The following RBFOX3 variants were observed in gnomAD, a reference collection of about 807,000 sequenced individuals.
RBFOX3 encodes the protein RNA binding protein fox-1 homolog 3.
In RBFOX3, 17 loss-of-function variants were observed where a neutral mutation model predicts 48.7. The observed-to-expected ratio is 0.35, with a 90% confidence interval of 0.24 to 0.52. The LOEUF is 0.52. Ranked by LOEUF, RBFOX3 falls within the 20% of genes least tolerant of loss-of-function variation. RBFOX3 has a pLI of 0.94. For synonymous variants in RBFOX3, 212 were observed against 209.5 expected (o/e 1.01, Z -0.10); for missense variants, 382 against 497.5 (o/e 0.77, Z 2.21).
chr17:79,390,778 G>A lies in RBFOX3; in HGVS notation c.-174-82954C>T, dbSNP rs922969804. Among the ~76,000 whole-genome samples, 4 of 152,230 alleles carry A rather than the reference G, an allele frequency of 2.6e-5. No homozygotes were observed. Among genetic ancestry groups the A allele is most frequent in the Non-Finnish European group, 5.9e-5 (4 of 68,036 alleles). On this transcript the variant is annotated intron_variant, in intron 2 of 14. Coordinates refer to ENST00000693108, the MANE Select transcript of RBFOX3 (RefSeq NM_001350451.2). The surrounding 1 kb of genome is among the most constrained non-coding windows in gnomAD (Gnocchi z 4.2). Reference sequence around the variant, plus strand: ...AAAGTTTGCCAGAGGCGAGTTCAGGGTGGGGATCCTGGCAGTGGGAAACTG... The same window carrying A: ...AAAGTTTGCCAGAGGCGAGTTCAGGATGGGGATCCTGGCAGTGGGAAACTG...
At chr17:79,454,356 C>T (rs887439111) in intron 2 of RBFOX3, among the ~76,000 whole-genome samples, 8 of 152,172 alleles carry the variant, frequency 5.3e-5, no homozygotes, top group African/African-American at 7.2e-5. Flanking sequence ...CCAGGTGGCT[C>T]TGTCTGCTGT....
At position 79,293,132 on chromosome 17, in the gene RBFOX3, C is replaced by G. The variant is rs1051644330; in HGVS notation, c.-74+14592G>C. On this transcript the variant is annotated intron_variant, in intron 3 of 14. Transcript: ENST00000693108. ...TCAAAGCCACTTAAAAGTATGGCCTCATTTGACCCTTCCATCAGACCTAGA... is the reference window on the plus strand; with the variant it reads ...TCAAAGCCACTTAAAAGTATGGCCTGATTTGACCCTTCCATCAGACCTAGA... 3.9e-5 allele frequency among the ~76,000 whole-genome samples: 6 copies of G among 152,332 alleles called. No homozygotes were observed. In the East Asian group the frequency reaches 9.6e-4, roughly 24 times the overall value.
At chr17:79,317,766 A>AG in intron 2 of RBFOX3, among the ~76,000 whole-genome samples, 1 of 152,276 alleles carries the variant, frequency 6.6e-6, no homozygotes, top group East Asian at 1.9e-4. Flanking sequence ...TAAAAAAAAA[A>AG]AAGTTGCAAT....
rs141063954 is a variant in RBFOX3 at position 79,440,400 on chromosome 17, C to T, written c.-175+42054G>A. ...TCCTCCCCATCTGATGCACCAGGGGCCCGAGTGACTTGCCTGATCTCCTAG... is the reference window on the plus strand; with the variant it reads ...TCCTCCCCATCTGATGCACCAGGGGTCCGAGTGACTTGCCTGATCTCCTAG... On this transcript the variant is annotated intron_variant, in intron 2 of 14. Transcript: ENST00000693108. 3.9e-5 allele frequency among the ~76,000 whole-genome samples: 6 copies of T among 152,272 alleles called. No individual in the cohort carries two copies. In the East Asian group the frequency reaches 1.2e-3, roughly 30 times the overall value.
intron 4 of RBFOX3, among the ~76,000 whole-genome samples, chr17:79,177,104 G>A (rs1360761825): frequency 6.6e-6 from 1 of 152,152 alleles, no homozygotes; most frequent in Admixed American, 6.5e-5. Flanking sequence ...GGGACTGTCT[G>A]TCCTGGCCCA....
Position 79,545,712 on chromosome 17 carries a change from T to C in RBFOX3, c.-319-63114A>G, listed in dbSNP as rs145967697. On this transcript the variant is annotated intron_variant, in intron 1 of 14. Coordinates refer to ENST00000693108, the MANE Select transcript of RBFOX3 (RefSeq NM_001350451.2). ...CTGTTATCCAATTCCGCCTCCCAGC[T>C]GAGACTGCAGTTCCCCTTAACAGTG... is the stretch of plus-strand genomic sequence containing the variant. Among the ~76,000 whole-genome samples, 234 of 152,362 alleles carry C rather than the reference T, an allele frequency of 1.5e-3. 1 individual carries two copies. The highest frequency in any genetic ancestry group is 5.3e-3 in the African/African-American group (220 of 41,594).
At chr17:79,445,652 G>A (rs2072100901) in intron 2 of RBFOX3, among the ~76,000 whole-genome samples, 1 of 152,208 alleles carries the variant, frequency 6.6e-6, no homozygotes, top group South Asian at 2.1e-4. Flanking sequence ...TGCTTTCCTG[G>A]GGGCAAAGCC....
chr17:79,664,417 C>T, the RBFOX3 span, among the ~76,000 whole-genome samples: 1 of 151,708 alleles, frequency 6.6e-6, no homozygotes, highest in Admixed American at 6.6e-5. Flanking sequence ...GTTATCTCAG[C>T]TCACTGCAGG....
intron 2 of RBFOX3, among the ~76,000 whole-genome samples, chr17:79,393,677 C>T (rs1426758882): frequency 6.6e-6 from 1 of 151,708 alleles, no homozygotes; most frequent in Non-Finnish European, 1.5e-5. Flanking sequence ...AGCCTGTCGC[C>T]ACACATCGTC....
intron 2 of RBFOX3, among the ~76,000 whole-genome samples, chr17:79,340,953 T>A (rs868642278): frequency 4.4e-4 from 67 of 152,308 alleles, no homozygotes; most frequent in Middle Eastern, 6.8e-3. Context: ...CAGTTCTGTG[T>A]CTAAGCAATG....
intron 2 of RBFOX3, among the ~76,000 whole-genome samples, chr17:79,410,496 T>A (rs772479739): frequency 2.0e-5 from 3 of 152,134 alleles, no homozygotes; most frequent in Non-Finnish European, 4.4e-5. Context: ...GGGCCTGACC[T>A]AAGCAGATGA....
intron 2 of RBFOX3, among the ~76,000 whole-genome samples, chr17:79,462,040 A>G (rs1300632723): frequency 6.6e-6 from 1 of 152,204 alleles, no homozygotes; most frequent in Non-Finnish European, 1.5e-5. Context: ...GATTTTGGTA[A>G]TTTGTTCTGG....
intron 3 of RBFOX3, among the ~76,000 whole-genome samples, chr17:79,239,405 C>T (rs2062042079): frequency 6.6e-6 from 1 of 152,206 alleles, no homozygotes; most frequent in African/African-American, 2.4e-5. Context: ...TTTTTGCCTC[C>T]ATGAATCAGG....
At chr17:79,294,554 T>C (rs2073992655) in intron 3 of RBFOX3, among the ~76,000 whole-genome samples, 2 of 152,254 alleles carry the variant, frequency 1.3e-5, no homozygotes, top group East Asian at 1.9e-4. Flanking sequence ...TCAAATGACC[T>C]GCCTGCCGCG....
At position 79,293,297 on chromosome 17, in the gene RBFOX3, G is replaced by T. The variant is rs185704726; in HGVS notation, c.-74+14427C>A. 6.5e-4 allele frequency among the ~76,000 whole-genome samples: 99 copies of T among 152,136 alleles called. 1 individual carries two copies. The highest frequency in any genetic ancestry group is 2.2e-3 in the African/African-American group (91 of 41,494). On this transcript the variant is annotated intron_variant, in intron 3 of 14. Coordinates refer to ENST00000693108, the MANE Select transcript of RBFOX3 (RefSeq NM_001350451.2). Reference sequence around the variant, plus strand: ...CTCATCTGCTGCTCACATCAAGACCGATCTTTGCTTCCTTCCTTCCTTCTT... The same window carrying T: ...CTCATCTGCTGCTCACATCAAGACCTATCTTTGCTTCCTTCCTTCCTTCTT...
chr17:79,389,538 G>A (rs572048185), intron 2 of RBFOX3, among the ~76,000 whole-genome samples: 1 of 152,306 alleles, frequency 6.6e-6, no homozygotes, highest in East Asian at 1.9e-4. Context: ...TCCTTTGGAA[G>A]AGCCTATTGT....
chr17:79,192,672 G>C (rs2054756576), intron 4 of RBFOX3, among the ~76,000 whole-genome samples: 1 of 152,178 alleles, frequency 6.6e-6, no homozygotes, highest in Non-Finnish European at 1.5e-5. Flanking sequence ...ACGAGAGTGA[G>C]ACCGTCAGCA....
chr17:79,451,833 C>T (rs1227769542), intron 2 of RBFOX3, among the ~76,000 whole-genome samples: 2 of 152,226 alleles, frequency 1.3e-5, no homozygotes, highest in African/African-American at 2.4e-5. Flanking sequence ...AGTGTTCGTA[C>T]GTTAGGTGGG....
chr17:79,216,644 C>T (rs2040723880), intron 4 of RBFOX3, among the ~76,000 whole-genome samples: 1 of 152,114 alleles, frequency 6.6e-6, no homozygotes, highest in Non-Finnish European at 1.5e-5. Flanking sequence ...TGAGCAGAAC[C>T]CAGGTGGGGA....
Sources: gnomAD v4.1 joint callset for allele counts (sites outside exome capture counted in the v4.1 genomes callset) on GRCh38, gnomAD v4.1.1 for gene constraint, Gnocchi (gnomAD v3.1) non-coding constraint, MANE v1.5 for transcripts, NCBI Gene and HGNC (gene_info 2026-07-23, HGNC 2026-07-21) for gene names.